DLG1: variants seen among roughly 807,000 people sequenced by gnomAD.
DLG1 encodes discs large MAGUK scaffold protein 1, also known as disks large homolog 1.
In DLG1, 42 loss-of-function variants were observed where a neutral mutation model predicts 123.4. The ratio of observed to expected loss-of-function variants is 0.34; its 90% confidence interval spans 0.27 to 0.44. DLG1 has a LOEUF of 0.44. DLG1 is among the 20% of genes least tolerant of loss of function. DLG1 has a pLI of 1.00. For synonymous variants in DLG1, 317 were observed against 356.2 expected, an observed-to-expected ratio of 0.89 and a Z score of 1.24; for missense variants, 942 against 1,082.6, an observed-to-expected ratio of 0.87 and a Z score of 1.82.
At chr3:197,130,741 A>G in intron 10 of DLG1, 70 bp from the exon 11 acceptor site, 2 of 1,286,088 alleles carry the variant, frequency 1.6e-6, no homozygotes, top group Non-Finnish European at 2.1e-6. Flanking sequence ...CAATTTCACG[A>G]AAAGAAAGGG....
intron 23 of DLG1, among the ~76,000 whole-genome samples, chr3:197,057,427 T>G (rs1336137625): frequency 6.6e-6 from 1 of 152,234 alleles, no homozygotes; most frequent in African/African-American, 2.4e-5. Context: ...TGTACCTGTC[T>G]TTGTAAACAC....
At chr3:197,280,845 T>A (rs1768949692) in intron 4 of DLG1, among the ~76,000 whole-genome samples, 1 of 152,216 alleles carries the variant, frequency 6.6e-6, no homozygotes, top group South Asian at 2.1e-4. Flanking sequence ...TCTGTGTTGC[T>A]ACAGCTGCAT....
At chr3:197,139,607 G>C (rs1282379035) in intron 8 of DLG1, among the ~76,000 whole-genome samples, 1 of 152,048 alleles carries the variant, frequency 6.6e-6, no homozygotes, top group Non-Finnish European at 1.5e-5. Flanking sequence ...AGAGACAAAT[G>C]TTATTTTCAT....
At chr3:197,094,227 C>G (rs1241959038) in intron 14 of DLG1, among the ~76,000 whole-genome samples, 5 of 152,224 alleles carry the variant, frequency 3.3e-5, no homozygotes, top group Admixed American at 3.3e-4. Flanking sequence ...CAAGAACCAT[C>G]TGGCCAGAAT....
At chr3:197,167,823 A>G (rs540020065) in intron 5 of DLG1, among the ~76,000 whole-genome samples, 13 of 152,344 alleles carry the variant, frequency 8.5e-5, no homozygotes, top group Admixed American at 5.2e-4. Context: ...CACCTCTAAA[A>G]GCTTCCTTGT....
intron 4 of DLG1, among the ~76,000 whole-genome samples, chr3:197,261,127 G>C (rs909257380): frequency 1.2e-4 from 18 of 152,142 alleles, no homozygotes; most frequent in Non-Finnish European, 5.9e-5. Context: ...AGAAGTCTTT[G>C]TTTTTAAGTC....
rs551027220 is a variant in DLG1 at position 197,195,305 on chromosome 3, G to A, written c.319-716C>T. On this transcript the variant is annotated intron_variant, in intron 4 of 24. Coordinates refer to ENST00000667157, the MANE Select transcript of DLG1 (RefSeq NM_001366207.1). ...TTATCAATGATTTAAAAAAAAAAAAGCGAACATAAAGTGATATTTTTTTAA... is the reference window on the plus strand; with the variant it reads ...TTATCAATGATTTAAAAAAAAAAAAACGAACATAAAGTGATATTTTTTTAA... Among the ~76,000 whole-genome samples, 17 of 146,132 alleles carry A rather than the reference G, an allele frequency of 1.2e-4. No individual in the cohort carries two copies. In the East Asian group the frequency reaches 2.6e-3, roughly 22 times the overall value.
chr3:197,082,952 A>G (rs1752115531), intron 16 of DLG1, among the ~76,000 whole-genome samples: 1 of 152,346 alleles, frequency 6.6e-6, no homozygotes, highest in East Asian at 1.9e-4. Flanking sequence ...ATGAGACTCC[A>G]AGAACCAAGA....
chr3:197,096,736 C>T (rs531314817), intron 14 of DLG1, among the ~76,000 whole-genome samples: 188 of 152,140 alleles, frequency 1.2e-3, no homozygotes, highest in Non-Finnish European at 2.3e-3. Flanking sequence ...TGTTGTTCTT[C>T]GACATACTCT....
chr3:197,131,580 C>CTTTTTTTTTTTTTTTTTTTTTTTTTT (rs1560911232), intron 10 of DLG1, among the ~76,000 whole-genome samples: 1 of 120,704 alleles, frequency 8.3e-6, no homozygotes. Flanking sequence ...TTATTTCTTC[C>CTTTTTTTTTTTTTTTTTTTTTTTTTT]TTTCTTTTTT....
intron 5 of DLG1, among the ~76,000 whole-genome samples, chr3:197,152,762 CAAA>C (rs63446260): frequency 7.6e-5 from 4 of 52,512 alleles, no homozygotes; most frequent in South Asian, 7.6e-4. Flanking sequence ...GACTCTGTCT[CAAA>C]AAAAAAAAAA....
intron 12 of DLG1, among the ~76,000 whole-genome samples, chr3:197,118,042 T>C (rs567734575): frequency 6.6e-6 from 1 of 152,256 alleles, no homozygotes; most frequent in South Asian, 2.1e-4. Flanking sequence ...GAAGAACTTA[T>C]AATGTTGGAA....
At chr3:197,179,826 T>C (rs1809162568) in intron 5 of DLG1, among the ~76,000 whole-genome samples, 1 of 152,154 alleles carries the variant, frequency 6.6e-6, no homozygotes, top group Admixed American at 6.5e-5. Context: ...ACAATATTTT[T>C]TAAAGTGTAC....
At chr3:197,244,034 A>G (rs147391431) in intron 4 of DLG1, among the ~76,000 whole-genome samples, 2 of 152,316 alleles carry the variant, frequency 1.3e-5, no homozygotes, top group African/African-American at 4.8e-5. Flanking sequence ...CCACCACAAT[A>G]CCATCCTACA....
chr3:197,248,448 TGGGATCCCAG>T (rs1752836682), intron 4 of DLG1, among the ~76,000 whole-genome samples: 2 of 152,150 alleles, frequency 1.3e-5, no homozygotes, highest in African/African-American at 4.8e-5. Flanking sequence ...CAGAGGAGAA[TGGGATCCCAG>T]ATGAGCCCCC....
chr3:197,067,777 G>A (rs937480829), intron 19 of DLG1, among the ~76,000 whole-genome samples: 9 of 152,018 alleles, frequency 5.9e-5, no homozygotes, highest in East Asian at 1.9e-4. Context: ...GGCTGGTCTC[G>A]AACTCCTGAC....
At chr3:197,216,562 T>G (rs1734216113) in intron 4 of DLG1, among the ~76,000 whole-genome samples, 1 of 152,224 alleles carries the variant, frequency 6.6e-6, no homozygotes, top group Non-Finnish European at 1.5e-5. Context: ...TGTGAAATGC[T>G]GTCTACCATG....
At chr3:197,157,915 T>C (rs1233002232) in intron 5 of DLG1, among the ~76,000 whole-genome samples, 1 of 152,084 alleles carries the variant, frequency 6.6e-6, no homozygotes, top group Non-Finnish European at 1.5e-5. Flanking sequence ...TGGATCATGA[T>C]CTAAATGTAA....
chr3:197,091,044 G>C lies in DLG1; in HGVS notation c.1547-18C>G. 6.8e-7 allele frequency: 1 copy of C among 1,478,238 alleles called. No individual in the cohort carries two copies. Among genetic ancestry groups the C allele is most frequent in the Non-Finnish European group, 9.4e-7 (1 of 1,058,720 alleles). The allele number at this position is 1,478,238 out of a possible 1,614,324, so 91.6% of individuals were successfully genotyped here. ...ACTGTATTCTGATGGAAGAAAAAGA[G>C]AAATAAATTGATATATTTTCAAAAA... On this transcript the variant is annotated intron_variant, in intron 14 of 24. Transcript: ENST00000667157.
Sources: gnomAD v4.1 joint callset for allele counts (sites outside exome capture counted in the v4.1 genomes callset) on GRCh38, gnomAD v4.1.1 for gene constraint, MANE v1.5 for transcripts, NCBI Gene and HGNC (gene_info 2026-07-23, HGNC 2026-07-21) for gene names.